The following P4HTM variants were observed in gnomAD, a reference collection of about 807,000 sequenced individuals.
P4HTM encodes transmembrane prolyl 4-hydroxylase.
A neutral mutation model predicts 55.3 loss-of-function variants in P4HTM; 33 were observed. The observed-to-expected ratio is 0.60, with a 90% CI of 0.45 to 0.80. The LOEUF is 0.80. Ranked by LOEUF, P4HTM falls within the 30% of genes least tolerant of loss-of-function variation. The pLI, the probability that P4HTM is intolerant of heterozygous loss-of-function variation, is 0.00. For synonymous variants in P4HTM, 272 were observed against 286.4 expected (o/e 0.95, Z 0.51); for missense variants, 542 against 696.5 (o/e 0.78, Z 2.50).
At chr3:48,995,941 A>G (rs1351597863) in intron 2 of P4HTM, among the ~76,000 whole-genome samples, 3 of 152,138 alleles carry the variant, frequency 2.0e-5, no homozygotes, top group Non-Finnish European at 4.4e-5. Context: ...AGCCCAGTCC[A>G]GCATCTGCCT....
chr3:49,003,990 T>C lies in P4HTM; in HGVS notation c.725-108T>C, dbSNP rs141210297. The C allele has an allele frequency of 2.6e-4, 290 of 1,110,942 alleles. 1 individual carries two copies. In the East Asian group the frequency reaches 7.2e-3, roughly 27 times the overall value. 68.8% of individuals were successfully genotyped at this position (1,110,942 alleles called of 1,614,324 possible). A position where few individuals can be genotyped will look rare whatever the true frequency, so the allele number is the denominator to read the frequency against. On this transcript the variant is annotated intron_variant, in intron 4 of 8. Transcript: ENST00000383729. ...CAAGTGTACAAGGCCCCTCAGTGCCTGAGGTCAGGGGCTGCTGCTGCCTTT... is the reference window on the plus strand; with the variant it reads ...CAAGTGTACAAGGCCCCTCAGTGCCCGAGGTCAGGGGCTGCTGCTGCCTTT...
chr3:49,005,466 A>G lies in P4HTM; in HGVS notation c.1074-311A>G, dbSNP rs2092974898. On this transcript the variant is annotated intron_variant, in intron 6 of 8. Transcript: ENST00000383729. ...CTGGCCCAGCCCCTTCCCATCCCCA[A>G]GGAGCCCTTCAGCGCGCCCTGTTGC... 5.1e-6 allele frequency: 7 copies of G among 1,363,678 alleles called. No individual in the cohort carries two copies. The South Asian group carries it at 9.8e-5, about 19-fold the overall frequency. The allele number at this position is 1,363,678 out of a possible 1,614,324, so 84.5% of individuals were successfully genotyped here.
Position 48,990,538 on chromosome 3 carries a change from G to T in P4HTM, c.282G>T (p.Gly94=). Residue 94 remains glycine (G), a synonymous_variant, in exon 1 of 9, where the codon GGG becomes GGT. Coordinates refer to ENST00000383729, the MANE Select transcript of P4HTM (RefSeq NM_177939.3). This position sits in a 1 kb window ranked among gnomAD's most constrained non-coding sequence, Gnocchi z 7.2. ...YSNGDESSDP[G]PQHRAQGPGP... is the part of the protein sequence containing the mutation. The stretch of plus-strand genomic sequence containing the variant: ...ACGGCGACGAAAGCAGCGATCCCGG[G>T]CCCCAACACCGTGCCCAGGGCCCCG... 1 of 1,610,614 alleles carries T rather than the reference G, an allele frequency of 6.2e-7. No individual in the cohort carries two copies. Among genetic ancestry groups the T allele is most frequent in the African/African-American group, 1.3e-5 (1 of 74,912 alleles).
intron 2 of P4HTM, among the ~76,000 whole-genome samples, chr3:48,993,042 G>A (rs2092935256): frequency 3.3e-5 from 5 of 152,042 alleles, no homozygotes; most frequent in South Asian, 2.1e-4. Context: ...GGTGGCTCAC[G>A]CCTGTAATCC....
intron 2 of P4HTM, among the ~76,000 whole-genome samples, chr3:48,992,759 G>C (rs370710351): frequency 6.7e-6 from 1 of 149,898 alleles, no homozygotes; most frequent in Admixed American, 6.7e-5. Context: ...TCCGCCTTCC[G>C]GGTTCAAGTG....
chr3:48,997,286 A>AAAC, intron 2 of P4HTM: 1 of 152,406 alleles, frequency 6.6e-6, no homozygotes, highest in South Asian at 2.1e-4. Context: ...CCCTGGCTCC[A>AAAC]GGCATAGGCC....
intron 2 of P4HTM, among the ~76,000 whole-genome samples, chr3:48,994,982 G>A (rs974996825): frequency 6.6e-6 from 1 of 152,010 alleles, no homozygotes; most frequent in Non-Finnish European, 1.5e-5. Flanking sequence ...TGTATTTTTA[G>A]TAGAGATGGG....
At chr3:48,993,165 T>C (rs1284898394) in intron 2 of P4HTM, among the ~76,000 whole-genome samples, 2 of 151,762 alleles carry the variant, frequency 1.3e-5, no homozygotes, top group Non-Finnish European at 2.9e-5. Context: ...AGCAGGGCGT[T>C]GTGGCACATG....
exon 9 of P4HTM, chr3:49,007,150 CAG>C (rs1468388634): frequency 3.6e-5 from 27 of 749,776 alleles, no homozygotes; most frequent in Non-Finnish European, 4.8e-5. This position sits in a 1 kb window ranked among gnomAD's most constrained non-coding sequence, Gnocchi z 5.1. Flanking sequence ...GTCGGCGAAA[CAG>C]AGTCCGCGAT....
At chr3:48,998,070 G>C (rs1033725762) in intron 2 of P4HTM, 1 of 152,354 alleles carries the variant, frequency 6.6e-6, no homozygotes, top group Non-Finnish European at 1.5e-5. Context: ...TTTTTGAGAC[G>C]GATGCCTGCT....
At chr3:49,006,620 C>T in intron 8 of P4HTM, 67 bp from the exon 9 acceptor site, 1 of 1,378,018 alleles carries the variant, frequency 7.3e-7, no homozygotes, top group South Asian at 1.2e-5. Context: ...TGGTCATGCT[C>T]TTGGTGCCTA....
In P4HTM at chr3:48,992,662, CTT is replaced by C. The variant is rs755087586; in HGVS notation, c.436+1768_436+1769del. Among the ~76,000 whole-genome samples, 108 of 89,328 alleles carry C rather than the reference CTT, an allele frequency of 1.2e-3. 2 individuals are homozygous for C. In the South Asian group the frequency reaches 0.013, roughly 10 times the overall value. The allele number at this position is 89,328 out of a possible 152,430, so 58.6% of individuals were successfully genotyped here. On this transcript the variant is annotated intron_variant, in intron 2 of 8. Transcript: ENST00000383729. Reference sequence around the variant, plus strand: ...CAGAAGTTCAGCTGGGATTAGAACTCTTTTTTTTTTTTTTTTTTTTTAGACTA... The same window carrying C: ...CAGAAGTTCAGCTGGGATTAGAACTCTTTTTTTTTTTTTTTTTTTAGACTA...
At chr3:48,994,324 C>A (rs1201121502) in intron 2 of P4HTM, among the ~76,000 whole-genome samples, 1 of 152,164 alleles carries the variant, frequency 6.6e-6, no homozygotes, top group Non-Finnish European at 1.5e-5. Context: ...ACCCAAGATA[C>A]CTGGGATCGA....
At chr3:49,003,486 AG>A (rs1279782849) in intron 4 of P4HTM, 1 of 155,250 alleles carries the variant, frequency 6.4e-6, no homozygotes. Flanking sequence ...CCAAGAGGGT[AG>A]AACCCCTGCT....
chr3:49,006,966 C>T lies in P4HTM; in HGVS notation c.*59C>T, dbSNP rs567542485. 53 of 1,380,930 alleles carry T rather than the reference C, an allele frequency of 3.8e-5. No homozygotes were observed. In the Admixed American group the frequency reaches 4.4e-4, roughly 11 times the overall value. 85.5% of individuals were successfully genotyped at this position (1,380,930 alleles called of 1,614,324 possible). On this transcript the variant is annotated 3_prime_UTR_variant, in exon 9 of 9. Transcript: ENST00000383729. ...CGCCAGTTGCCCAAGATCAGGGGTC[C>T]GGCTGTCCTTCTGTCCTGCTGCAGA...
chr3:49,005,116 C>G, intron 6 of P4HTM, 70 bp downstream of exon 6: 1 of 1,613,246 alleles, frequency 6.2e-7, no homozygotes, highest in Non-Finnish European at 8.5e-7. Flanking sequence ...AGGCACAGCC[C>G]TGCACTGTGG....
At chr3:49,003,908 G>C (rs2092968850) in intron 4 of P4HTM, 190 bp from the exon 5 acceptor site, 1 of 586,888 alleles carries the variant, frequency 1.7e-6, no homozygotes, top group Admixed American at 3.2e-5. Context: ...GGGTCTTCCT[G>C]TAAGGCCTGA....
At chr3:48,995,045 C>T (rs1379625721) in intron 2 of P4HTM, among the ~76,000 whole-genome samples, 1 of 152,196 alleles carries the variant, frequency 6.6e-6, no homozygotes, top group African/African-American at 2.4e-5. Context: ...AGGTGACCCA[C>T]CCACCTTGGC....
rs546546226 is a variant in P4HTM at position 49,004,613 on chromosome 3, C to A, written c.888-248C>A. Reference sequence around the variant, plus strand: ...GAGGAGGACCTCAGGACTCCCCGCCCCCTTTATTTAGTGGAAATGTCAACA... The same window carrying A: ...GAGGAGGACCTCAGGACTCCCCGCCACCTTTATTTAGTGGAAATGTCAACA... On this transcript the variant is annotated intron_variant, in intron 5 of 8. Coordinates refer to ENST00000383729, the MANE Select transcript of P4HTM (RefSeq NM_177939.3). 434 of 577,536 alleles carry A rather than the reference C, an allele frequency of 7.5e-4. 3 individuals are homozygous for A. Among genetic ancestry groups the A allele is most frequent in the African/African-American group, 7.0e-3 (376 of 53,536 alleles). The allele number at this position is 577,536 out of a possible 1,614,324, so 35.8% of individuals were successfully genotyped here.
Sources: gnomAD v4.1 joint callset for allele counts (sites outside exome capture counted in the v4.1 genomes callset) on GRCh38, gnomAD v4.1.1 for gene constraint, Gnocchi (gnomAD v3.1) non-coding constraint, MANE v1.5 for transcripts, NCBI Gene and HGNC (gene_info 2026-07-23, HGNC 2026-07-21) for gene names.